The following PRRX2 variants were observed in gnomAD, a reference collection of about 807,000 sequenced individuals.
The protein encoded by PRRX2 is paired related homeobox 2, also known as paired mesoderm homeobox protein 2.
In PRRX2, 11 loss-of-function variants were observed where a neutral mutation model predicts 18.0. That is an observed-to-expected ratio of 0.61 (90% CI 0.39 to 1.01). The LOEUF is 1.01. PRRX2 is among the 50% of genes least tolerant of loss of function. The pLI is 0.01. For synonymous variants in PRRX2, 177 were observed against 154.8 expected (o/e 1.14, Z -1.06); for missense variants, 387 against 351.0 (o/e 1.10, Z -0.82).
intron 1 of PRRX2, among the ~76,000 whole-genome samples, chr9:129,718,107 G>T (rs1470451617): frequency 1.3e-5 from 2 of 148,526 alleles, no homozygotes; most frequent in Non-Finnish European, 3.0e-5. Flanking sequence ...CCCAGAGGTT[G>T]CCACTCCAGG....
intron 1 of PRRX2, among the ~76,000 whole-genome samples, chr9:129,697,082 G>A (rs1832434942): frequency 6.6e-6 from 1 of 152,262 alleles, no homozygotes; most frequent in South Asian, 2.1e-4. Flanking sequence ...ACGCCCATAG[G>A]CGCCCGGCCC....
At chr9:129,720,497 C>G in intron 2 of PRRX2, 99 bp from the exon 3 acceptor site, 1 of 1,221,388 alleles carries the variant, frequency 8.2e-7, no homozygotes, top group Admixed American at 2.6e-5. Context: ...GGTGACGCTG[C>G]CAGCCCTGGG....
rs549226815 is a variant in PRRX2, at chr9:129,699,432, T to A, written c.260-19799T>A. 8.2e-3 allele frequency among the ~76,000 whole-genome samples: 1,183 copies of A among 144,828 alleles called. 10 individuals carry two copies. Among genetic ancestry groups the A allele is most frequent in the African/African-American group, 0.024 (912 of 38,316 alleles). Reference sequence around the variant, plus strand: ...GGGCAAGACTCTGTCTCAAAAAAAATATATATATGTGTGTGTGTGTGTGTG... The same window carrying A: ...GGGCAAGACTCTGTCTCAAAAAAAAAATATATATGTGTGTGTGTGTGTGTG... On this transcript the variant is annotated intron_variant, in intron 1 of 3. Transcript: ENST00000372469.
chr9:129,681,815 A>G (rs1007946561), intron 1 of PRRX2, among the ~76,000 whole-genome samples: 24 of 152,120 alleles, frequency 1.6e-4, no homozygotes, highest in Non-Finnish European at 2.5e-4. Flanking sequence ...ACTAAAGGCC[A>G]ATGCATCTCC....
In PRRX2 at chr9:129,720,762, C is replaced by T. The variant is rs771719938; in HGVS notation, c.614C>T (p.Ser205Leu). ...LSPDYLSWTA[S>L]SPYSTVPPYS... ...CCAGATTATCTCTCCTGGACAGCCT[C>T]GTCCCCCTACAGGTGAGAGCGGGAA... The change falls in exon 3 of 4, where the codon TCG becomes TTG. Residue 205 changes from serine (S) to leucine (L), a missense_variant. Physicochemically the swap from Ser to Leu is moderately radical, Grantham distance 145. Coordinates refer to ENST00000372469, the MANE Select transcript of PRRX2 (RefSeq NM_016307.4). 1.3e-6 allele frequency: 2 copies of T among 1,594,832 alleles called. No individual in the cohort carries two copies. The highest frequency in any genetic ancestry group is 2.3e-5 in the East Asian group (1 of 44,220).
In PRRX2 at chr9:129,707,525, C is replaced by T. The variant is rs978428078; in HGVS notation, c.260-11706C>T. Among the ~76,000 whole-genome samples the T allele has an allele frequency of 2.0e-5, 3 of 152,036 alleles. 1 individual carries two copies. Among genetic ancestry groups the T allele is most frequent in the Non-Finnish European group, 4.4e-5 (3 of 68,014 alleles). ...CTATGGCCGGGCGCGGTGGCTCACA[C>T]GTGTAATCCCAGTACTTTGGGAGGC... On this transcript the variant is annotated intron_variant, in intron 1 of 3. Transcript: ENST00000372469.
At chr9:129,720,006 A>G (rs1007543343) in intron 2 of PRRX2, among the ~76,000 whole-genome samples, 5 of 152,274 alleles carry the variant, frequency 3.3e-5, no homozygotes, top group Non-Finnish European at 1.5e-5. Context: ...ACAAACAAAC[A>G]AACAAATAAA....
In PRRX2 at chr9:129,684,524, C is replaced by CACACACACACACACACACA. The variant is rs1564147490; in HGVS notation, c.259+18398_259+18399insACACACACACACACACACA. ...CACACACACACACACACACACACAC[C>CACACACACACACACACACA]CACACACACCCCAACAGAAAAGAGA... On this transcript the variant is annotated intron_variant, in intron 1 of 3. Transcript: ENST00000372469. 1.3e-3 allele frequency among the ~76,000 whole-genome samples: 59 copies of CACACACACACACACACACA among 45,080 alleles called. 4 individuals are homozygous for CACACACACACACACACACA. The highest frequency in any genetic ancestry group is 2.9e-3 in the African/African-American group (43 of 14,630). The allele number at this position is 45,080 out of a possible 152,430, so 29.6% of individuals were successfully genotyped here. A position where few individuals can be genotyped will look rare whatever the true frequency, so the allele number is the denominator to read the frequency against.
intron 1 of PRRX2, among the ~76,000 whole-genome samples, chr9:129,714,402 CA>C (rs144863124): frequency 0.046 from 4,740 of 102,406 alleles, 277 homozygotes; most frequent in East Asian, 0.33. Flanking sequence ...TACTCTGTCT[CA>C]AAAAAAAAAA....
chr9:129,694,850 A>G (rs953035192), intron 1 of PRRX2, among the ~76,000 whole-genome samples: 6 of 152,194 alleles, frequency 3.9e-5, no homozygotes, highest in South Asian at 2.1e-4. Flanking sequence ...GATAAACACT[A>G]TGATGTGTGC....
rs1451536575 is a variant in PRRX2 at position 129,666,097 on chromosome 9, G to T, written c.230G>T (p.Ser77Ile). The T allele has an allele frequency of 3.9e-6, 4 of 1,029,718 alleles. No homozygotes were observed. The highest frequency in any genetic ancestry group is 4.6e-6 in the Non-Finnish European group (4 of 861,032). 63.8% of individuals were successfully genotyped at this position (1,029,718 alleles called of 1,614,324 possible). Residue 77 changes from serine to isoleucine, a missense_variant, in exon 1 of 4, where the codon AGC becomes ATC. Transcript: ENST00000372469. ...EGAAREPSGG[S>I]SGSEAAPQDG... The stretch of plus-strand genomic sequence containing the variant: ...GCAGCACGGGAGCCGTCCGGGGGCA[G>T]CAGCGGCAGCGAGGCGGCGCCGCAG...
At chr9:129,693,729 A>G (rs1249546799) in intron 1 of PRRX2, among the ~76,000 whole-genome samples, 2 of 152,202 alleles carry the variant, frequency 1.3e-5, no homozygotes, top group African/African-American at 4.8e-5. Flanking sequence ...GAGGTTGGAT[A>G]ATTTTTCCTG....
intron 1 of PRRX2, among the ~76,000 whole-genome samples, chr9:129,682,039 G>A (rs1832238731): frequency 6.6e-6 from 1 of 152,134 alleles, no homozygotes; most frequent in Non-Finnish European, 1.5e-5. Context: ...AGGAGGCGTG[G>A]GTCTTAGGAG....
intron 1 of PRRX2, among the ~76,000 whole-genome samples, chr9:129,681,381 A>G (rs1564146499): frequency 6.6e-6 from 1 of 152,070 alleles, no homozygotes; most frequent in East Asian, 1.9e-4. Flanking sequence ...TTAGCCAGGC[A>G]TGGTGGTGTG....
chr9:129,666,297 C>T (rs1832021807), intron 1 of PRRX2, among the ~76,000 whole-genome samples, 171 bp downstream of exon 1: 1 of 151,984 alleles, frequency 6.6e-6, no homozygotes. Context: ...GACCAGCACT[C>T]TGGGCTGGGG....
intron 1 of PRRX2, 39 bp from the exon 2 acceptor site, chr9:129,719,192 G>A (rs779702780): frequency 1.3e-5 from 20 of 1,498,584 alleles, no homozygotes; most frequent in Middle Eastern, 1.8e-4. Flanking sequence ...GTAGCCACTG[G>A]CCGTCCTGCT....
At chr9:129,697,261 C>T in intron 1 of PRRX2, among the ~76,000 whole-genome samples, 1 of 152,128 alleles carries the variant, frequency 6.6e-6, no homozygotes, top group Non-Finnish European at 1.5e-5. Context: ...AGGGAGGTGT[C>T]TGAGCTGGAA....
chr9:129,667,702 GA>G lies in PRRX2; in HGVS notation c.259+1577del, dbSNP rs570433842. On this transcript the variant is annotated intron_variant, in intron 1 of 3. Transcript: ENST00000372469. ...ATTTCTGACCTACCCCTGCTGTGGGGACAGCCAGGGAAGGCCGTGCTTCTCC... is the reference window on the plus strand; with the variant it reads ...ATTTCTGACCTACCCCTGCTGTGGGGCAGCCAGGGAAGGCCGTGCTTCTCC... Among the ~76,000 whole-genome samples the G allele has an allele frequency of 6.5e-3, 989 of 152,264 alleles. 7 individuals carry two copies. Among genetic ancestry groups the G allele is most frequent in the African/African-American group, 0.019 (806 of 41,536 alleles).
chr9:129,670,942 G>A (rs1051621308), intron 1 of PRRX2, among the ~76,000 whole-genome samples: 1 of 152,192 alleles, frequency 6.6e-6, no homozygotes, highest in African/African-American at 2.4e-5. Flanking sequence ...TTGGGGTGCT[G>A]GGATGCTCCA....
Sources: gnomAD v4.1 joint callset for allele counts (sites outside exome capture counted in the v4.1 genomes callset) on GRCh38, gnomAD v4.1.1 for gene constraint, MANE v1.5 for transcripts, NCBI Gene and HGNC (gene_info 2026-07-23, HGNC 2026-07-21) for gene names.